PHACTR2: variants seen among roughly 807,000 people sequenced by gnomAD.
PHACTR2 encodes the protein phosphatase and actin regulator 2.
PHACTR2 carries 30 observed loss-of-function variants against 76.0 expected under a neutral mutation model. That is an observed-to-expected ratio of 0.39 (90% CI 0.30 to 0.54). The LOEUF (loss-of-function observed/expected upper bound fraction) is 0.54, where lower values mean the gene tolerates loss of function less well. Ranked by LOEUF, PHACTR2 falls within the 20% of genes least tolerant of loss-of-function variation. PHACTR2 has a pLI of 0.61. For missense variants in PHACTR2, 696 were observed against 781.1 expected (o/e 0.89, Z 1.30); for synonymous variants, 292 against 292.5 (o/e 1.00, Z 0.02).
intron 1 of PHACTR2, among the ~76,000 whole-genome samples, chr6:143,572,920 A>G (rs1582679289): frequency 6.6e-6 from 1 of 152,242 alleles, no homozygotes; most frequent in East Asian, 1.9e-4. Flanking sequence ...ATCAAATTCT[A>G]AAAGCATAAT....
chr6:143,692,542 G>T (rs1195432673), intron 1 of PHACTR2, among the ~76,000 whole-genome samples: 2 of 152,132 alleles, frequency 1.3e-5, no homozygotes, highest in East Asian at 1.9e-4. Context: ...TCAAACATGA[G>T]ATTTTTAGAA....
intron 1 of PHACTR2, among the ~76,000 whole-genome samples, chr6:143,569,746 G>T (rs866899632): frequency 6.6e-6 from 1 of 152,024 alleles, no homozygotes; most frequent in African/African-American, 2.4e-5. Flanking sequence ...ATTCTTAGTG[G>T]TTGCATAAAT....
At chr6:143,711,748 C>T in intron 1 of PHACTR2, 1 of 642,136 alleles carries the variant, frequency 1.6e-6, no homozygotes, top group Non-Finnish European at 2.9e-6. Flanking sequence ...GTTGCACAGA[C>T]ACTCATTTGT....
At chr6:143,644,961 T>C (rs1776632505) in intron 1 of PHACTR2, among the ~76,000 whole-genome samples, 1 of 152,114 alleles carries the variant, frequency 6.6e-6, no homozygotes, top group African/African-American at 2.4e-5. Context: ...TTGTAGTCTT[T>C]TATCCCTCAC....
rs1425264882 is a variant in PHACTR2 at position 143,592,315 on chromosome 6, A to G, written c.217+55108A>G. Reference sequence around the variant, plus strand: ...GATAACACCAATGGTAAGATGAACCATCCTCTCCATCCAGATCCCCTGCAT... The same window carrying G: ...GATAACACCAATGGTAAGATGAACCGTCCTCTCCATCCAGATCCCCTGCAT... On this transcript the variant is annotated intron_variant, in intron 1 of 11. Coordinates refer to the PHACTR2 transcript ENST00000367584. The surrounding 1 kb of genome is among the most constrained non-coding windows in gnomAD (Gnocchi z 4.0). Among the ~76,000 whole-genome samples, 1 of 152,214 alleles carries G rather than the reference A, an allele frequency of 6.6e-6. No individual in the cohort carries two copies. The highest frequency in any genetic ancestry group is 1.5e-5 in the Non-Finnish European group (1 of 68,038).
At position 143,556,097 on chromosome 6, in the gene PHACTR2, G is replaced by A. The variant is rs1330166508; in HGVS notation, c.217+18890G>A. On this transcript the variant is annotated intron_variant, in intron 1 of 11. Transcript: ENST00000367584. This position sits in a 1 kb window ranked among gnomAD's most constrained non-coding sequence, Gnocchi z 4.3. ...GTTACATTGAAGGTAGTAGCAGAAG[G>A]GACAGTGAAAACTCATGATGGTTAA... is the stretch of plus-strand genomic sequence containing the variant. 6.6e-6 allele frequency among the ~76,000 whole-genome samples: 1 copy of A among 152,072 alleles called. No homozygotes were observed. Among genetic ancestry groups the A allele is most frequent in the Non-Finnish European group, 1.5e-5 (1 of 68,024 alleles).
intron 1 of PHACTR2, among the ~76,000 whole-genome samples, chr6:143,640,243 A>G (rs1314629379): frequency 6.6e-6 from 1 of 152,190 alleles, no homozygotes; most frequent in Non-Finnish European, 1.5e-5. Flanking sequence ...GATTTACTAT[A>G]CTTTTAATCA....
At chr6:143,604,470 C>A (rs1208650557), upstream of PHACTR2, among the ~76,000 whole-genome samples, 1 of 152,184 alleles carries the variant, frequency 6.6e-6, no homozygotes, top group Non-Finnish European at 1.5e-5. Flanking sequence ...TCCATCTGAA[C>A]TGGCCTTTAT....
intron 1 of PHACTR2, among the ~76,000 whole-genome samples, chr6:143,692,596 T>G (rs1423676555): frequency 6.6e-6 from 1 of 152,224 alleles, no homozygotes; most frequent in African/African-American, 2.4e-5. Flanking sequence ...TCCCCTTCAG[T>G]CATCCAACCA....
chr6:143,769,511 G>A (rs1775040975), intron 6 of PHACTR2, among the ~76,000 whole-genome samples: 1 of 152,072 alleles, frequency 6.6e-6, no homozygotes, highest in African/African-American at 2.4e-5. Context: ...CTTCAGTCTG[G>A]ATTCTAGACA....
In PHACTR2 at chr6:143,767,884, C is replaced by T. The variant is rs766117961; in HGVS notation, c.1232+2086C>T. Reference sequence around the variant, plus strand: ...ACAGAATCTTGCACTGTCACCCAGGCTGGAGTACAGTGGCATGATCTCGGC... The same window carrying T: ...ACAGAATCTTGCACTGTCACCCAGGTTGGAGTACAGTGGCATGATCTCGGC... On this transcript the variant is annotated intron_variant, in intron 6 of 12. Transcript: ENST00000440869. This position sits in a 1 kb window ranked among gnomAD's most constrained non-coding sequence, Gnocchi z 4.4. 6.6e-6 allele frequency among the ~76,000 whole-genome samples: 1 copy of T among 152,180 alleles called. No homozygotes were observed. Among genetic ancestry groups the T allele is most frequent in the Non-Finnish European group, 1.5e-5 (1 of 68,028 alleles).
At chr6:143,540,696 C>CTT (rs963173666) in intron 1 of PHACTR2, among the ~76,000 whole-genome samples, 15 of 141,428 alleles carry the variant, frequency 1.1e-4, no homozygotes, top group Non-Finnish European at 1.2e-4. Flanking sequence ...AATGCAAGTG[C>CTT]TTTATCAGAA....
chr6:143,765,194 C>T lies in PHACTR2; in HGVS notation c.695-67C>T. 8.1e-7 allele frequency: 1 copy of T among 1,241,768 alleles called. No individual in the cohort carries two copies. Among genetic ancestry groups the T allele is most frequent in the Admixed American group, 2.2e-5 (1 of 45,852 alleles). 76.9% of individuals were successfully genotyped at this position (1,241,768 alleles called of 1,614,324 possible). On this transcript the variant is annotated intron_variant, in intron 5 of 12. Transcript: ENST00000440869. The surrounding 1 kb of genome is among the most constrained non-coding windows in gnomAD (Gnocchi z 4.1). ...TTTTAAATGTTGTTGACAGTTACAC[C>T]TTGGTTACTTTATTTTAAAAAGCAT...
rs1028521307 is a variant in PHACTR2 at position 143,783,945 on chromosome 6, A to G, written c.1707+665A>G. On this transcript the variant is annotated intron_variant, in intron 10 of 12. Transcript: ENST00000440869. This position sits in a 1 kb window ranked among gnomAD's most constrained non-coding sequence, Gnocchi z 5.2. ...TGAGGCAGGAGGATTGCTTGAGCCC[A>G]GGAGGTCAAGACCAGCCTGGACAAC... is the stretch of plus-strand genomic sequence containing the variant. Among the ~76,000 whole-genome samples the G allele has an allele frequency of 2.0e-5, 3 of 152,070 alleles. No homozygotes were observed. Among genetic ancestry groups the G allele is most frequent in the African/African-American group, 7.2e-5 (3 of 41,424 alleles).
At chr6:143,638,317 A>G (rs1005039326) in intron 1 of PHACTR2, among the ~76,000 whole-genome samples, 7 of 152,076 alleles carry the variant, frequency 4.6e-5, no homozygotes, top group African/African-American at 1.7e-4. Context: ...AGGTGGGAGG[A>G]TCACTTTAGG....
intron 1 of PHACTR2, among the ~76,000 whole-genome samples, chr6:143,668,139 T>G (rs1201485236): frequency 6.6e-6 from 1 of 152,174 alleles, no homozygotes; most frequent in Non-Finnish European, 1.5e-5. Context: ...TAATCATGTG[T>G]TTTTTGTCAT....
At chr6:143,786,357 G>A (rs1222707241) in intron 10 of PHACTR2, among the ~76,000 whole-genome samples, 3 of 152,252 alleles carry the variant, frequency 2.0e-5, no homozygotes, top group African/African-American at 7.2e-5. Context: ...CCTCAGCCTG[G>A]ACCTTATTGT....
At chr6:143,756,698 CAAAA>C (rs10538549) in intron 4 of PHACTR2, among the ~76,000 whole-genome samples, 4 of 122,740 alleles carry the variant, frequency 3.3e-5, no homozygotes, top group Non-Finnish European at 3.5e-5. Flanking sequence ...GACTCCGTCT[CAAAA>C]AAAAAAAAAA....
In PHACTR2 at chr6:143,654,842, C is replaced by T. The variant is rs1776821335; in HGVS notation, c.13+46520C>T. The stretch of plus-strand genomic sequence containing the variant: ...AAACTAAATGAAGTATTGATACATG[C>T]CACAACATGGACGACTCTTAAAAAC... On this transcript the variant is annotated intron_variant, in intron 1 of 11. Transcript: ENST00000305766. This position sits in a 1 kb window ranked among gnomAD's most constrained non-coding sequence, Gnocchi z 4.6. Among the ~76,000 whole-genome samples, 1 of 151,822 alleles carries T rather than the reference C, an allele frequency of 6.6e-6. No individual in the cohort carries two copies. The highest frequency in any genetic ancestry group is 2.4e-5 in the African/African-American group (1 of 41,348).
Sources: allele counts gnomAD v4.1 joint callset (sites outside exome capture counted in the v4.1 genomes callset), GRCh38; gene constraint gnomAD v4.1.1; non-coding constraint Gnocchi (gnomAD v3.1); transcripts MANE v1.5; gene names NCBI Gene and HGNC (gene_info 2026-07-23, HGNC 2026-07-21).